PRUNE2: variants seen among roughly 807,000 people sequenced by gnomAD.
PRUNE2 encodes protein prune homolog 2.
PRUNE2 carries 164 observed loss-of-function variants against 252.0 expected under a neutral mutation model. The ratio of observed to expected loss-of-function variants is 0.65; its 90% CI spans 0.57 to 0.74. PRUNE2 has a LOEUF of 0.74. Among genes scored for constraint, PRUNE2 ranks in the 30% least tolerant of loss-of-function variants. The probability of loss-of-function intolerance (pLI) is 0.00; values close to 1 mark genes in which losing one functional copy is unlikely to be tolerated. For missense variants in PRUNE2, 3,495 were observed against 3,711.0 expected, an observed-to-expected ratio of 0.94 and a Z score of 1.51; for synonymous variants, 1,292 against 1,350.2, an observed-to-expected ratio of 0.96 and a Z score of 0.94.
chr9:76,848,814 T>C (rs1238778650), intron 3 of PRUNE2, among the ~76,000 whole-genome samples: 2 of 152,250 alleles, frequency 1.3e-5, no homozygotes, highest in Non-Finnish European at 2.9e-5. Flanking sequence ...TAAGTATTTA[T>C]TGAAAGAGTC....
At chr9:76,676,076 C>CAA (rs1564004532) in intron 9 of PRUNE2, among the ~76,000 whole-genome samples, 1 of 17,086 alleles carries the variant, frequency 5.9e-5, no homozygotes, top group African/African-American at 9.5e-5. Flanking sequence ...AAAAAAAAAA[C>CAA]CAAAAACAAA....
At chr9:76,890,906 C>T (rs1326658143) in intron 1 of PRUNE2, among the ~76,000 whole-genome samples, 1 of 152,178 alleles carries the variant, frequency 6.6e-6, no homozygotes, top group East Asian at 1.9e-4. Flanking sequence ...TATTCACCAG[C>T]GTGAATTAAT....
At chr9:76,827,647 G>A (rs1564387319) in intron 4 of PRUNE2, among the ~76,000 whole-genome samples, 1 of 152,122 alleles carries the variant, frequency 6.6e-6, no homozygotes, top group Non-Finnish European at 1.5e-5. Flanking sequence ...ATAAATAAAA[G>A]AGGAAAGAAG....
rs148127903 is a variant in PRUNE2, at chr9:76,887,592, C to T, written c.36+18336G>A. Among the ~76,000 whole-genome samples the T allele has an allele frequency of 3.3e-5, 5 of 152,324 alleles. No homozygotes were observed. The East Asian group carries it at 5.8e-4, about 18-fold the overall frequency. The stretch of plus-strand genomic sequence containing the variant: ...CTATTGGGCTTGGCCATGTAACTTG[C>T]TTGCTGTGGCTGATGAAGAGAAAGT... On this transcript the variant is annotated intron_variant, in intron 1 of 18. Transcript: ENST00000376718.
chr9:76,669,383 G>A (rs576655685), intron 9 of PRUNE2, among the ~76,000 whole-genome samples: 1 of 152,086 alleles, frequency 6.6e-6, no homozygotes, highest in Non-Finnish European at 1.5e-5. Flanking sequence ...GCAGTGGCGT[G>A]ATCTCGGCTC....
intron 9 of PRUNE2, among the ~76,000 whole-genome samples, chr9:76,702,147 C>G (rs925107560): frequency 5.3e-5 from 8 of 151,772 alleles, no homozygotes; most frequent in African/African-American, 1.9e-4. Context: ...GCAACCTCCA[C>G]CTCCCAGGTT....
chr9:76,868,842 G>GGC (rs1264269026), intron 1 of PRUNE2: 2 of 131,742 alleles, frequency 1.5e-5, no homozygotes, highest in Non-Finnish European at 3.3e-5. Flanking sequence ...GGGGGTGGGG[G>GGC]GGGGGGCGGG....
At chr9:76,713,525 G>A (rs1403031623) in intron 7 of PRUNE2, 38 bp downstream of exon 7, 1 of 1,573,184 alleles carries the variant, frequency 6.4e-7, no homozygotes. Flanking sequence ...AGCAGGTTAG[G>A]ACAGAGGGAA....
At chr9:76,629,375 G>T (rs1378354167) in intron 15 of PRUNE2, 85 bp from the exon 16 acceptor site, 3 of 664,258 alleles carry the variant, frequency 4.5e-6, no homozygotes, top group Non-Finnish European at 7.5e-6. Context: ...TGAAAATCCT[G>T]ATACTTAACA....
intron 9 of PRUNE2, among the ~76,000 whole-genome samples, chr9:76,657,034 GGT>G (rs1849513451): frequency 6.6e-6 from 1 of 152,160 alleles, no homozygotes; most frequent in African/African-American, 2.4e-5. Context: ...AGATTGGGGA[GGT>G]ATGCAAAGAG....
At chr9:76,787,658 A>C (rs573067390) in intron 6 of PRUNE2, 1 of 152,302 alleles carries the variant, frequency 6.6e-6, no homozygotes, top group Non-Finnish European at 1.5e-5. Context: ...AAAATTGCAC[A>C]CATCGCACAT....
At chr9:76,726,195 G>A (rs556396927) in intron 6 of PRUNE2, among the ~76,000 whole-genome samples, 80 of 152,312 alleles carry the variant, frequency 5.3e-4, no homozygotes, top group Middle Eastern at 6.8e-3. Context: ...AAGAACTCTG[G>A]TTGTTCCCAC....
chr9:76,643,482 T>C (rs1003586204), intron 12 of PRUNE2, among the ~76,000 whole-genome samples: 3 of 151,962 alleles, frequency 2.0e-5, no homozygotes, highest in Non-Finnish European at 2.9e-5. Flanking sequence ...CCTCTTATGG[T>C]TTTCACATAA....
intron 10 of PRUNE2, among the ~76,000 whole-genome samples, chr9:76,653,068 C>T (rs1588181832): frequency 2.0e-5 from 3 of 152,102 alleles, no homozygotes; most frequent in African/African-American, 7.2e-5. Flanking sequence ...TTCTTGAAAG[C>T]AGCCCTCTGT....
intron 1 of PRUNE2, among the ~76,000 whole-genome samples, chr9:76,867,868 G>A (rs2060938537): frequency 6.6e-6 from 1 of 152,106 alleles, no homozygotes; most frequent in African/African-American, 2.4e-5. Context: ...ACTGCGCCCG[G>A]CCGGTTTTGC....
chr9:76,776,637 C>T lies in PRUNE2; in HGVS notation c.756+46995G>A, dbSNP rs866467016. Among the ~76,000 whole-genome samples the T allele has an allele frequency of 1.1e-3, 171 of 149,758 alleles. 1 individual carries two copies. Among genetic ancestry groups the T allele is most frequent in the African/African-American group, 4.0e-3 (161 of 40,606 alleles). Reference sequence around the variant, plus strand: ...TCAAGCAATTCTCCTGCCTCAGCCTCCTAAGTAGCTAGGATTACAGGTGCC... The same window carrying T: ...TCAAGCAATTCTCCTGCCTCAGCCTTCTAAGTAGCTAGGATTACAGGTGCC... On this transcript the variant is annotated intron_variant, in intron 6 of 18. Coordinates refer to ENST00000376718, the MANE Select transcript of PRUNE2 (RefSeq NM_015225.3).
chr9:76,775,855 G>T (rs2053674908), intron 6 of PRUNE2, among the ~76,000 whole-genome samples: 1 of 152,138 alleles, frequency 6.6e-6, no homozygotes, highest in Non-Finnish European at 1.5e-5. Flanking sequence ...CTAGCCTTTA[G>T]CTCGGACCAA....
chr9:76,715,693 G>C (rs775817914), intron 6 of PRUNE2, among the ~76,000 whole-genome samples: 10 of 152,056 alleles, frequency 6.6e-5, no homozygotes, highest in Non-Finnish European at 1.3e-4. Flanking sequence ...TCTTTAAGTA[G>C]ATGTTTAAAA....
chr9:76,639,299 C>A (rs548436026), intron 12 of PRUNE2, among the ~76,000 whole-genome samples: 1 of 152,058 alleles, frequency 6.6e-6, no homozygotes, highest in Non-Finnish European at 1.5e-5. Context: ...CGAGACCACC[C>A]GGACAGCACG....
Sources: gnomAD v4.1 joint callset for allele counts (sites outside exome capture counted in the v4.1 genomes callset) on GRCh38, gnomAD v4.1.1 for gene constraint, MANE v1.5 for transcripts, NCBI Gene and HGNC (gene_info 2026-07-23, HGNC 2026-07-21) for gene names.